ICA1: variants seen among roughly 807,000 people sequenced by gnomAD.
ICA1 encodes 69 kDa islet cell autoantigen.
ICA1 carries 40 observed loss-of-function variants against 71.0 expected under a neutral mutation model. The observed-to-expected ratio is 0.56, with a 90% confidence interval of 0.44 to 0.73. The LOEUF (loss-of-function observed/expected upper bound fraction) is 0.73. ICA1 is among the 30% of genes least tolerant of loss of function. The probability of loss-of-function intolerance (pLI) is 0.00; values close to 1 mark genes in which losing one functional copy is unlikely to be tolerated. For missense variants in ICA1, 578 were observed against 576.5 expected (o/e 1.00, Z -0.03); for synonymous variants, 207 against 209.5 (o/e 0.99, Z 0.10).
chr7:8,211,370 A>G (rs1162011582), intron 6 of ICA1, among the ~76,000 whole-genome samples: 1 of 152,134 alleles, frequency 6.6e-6, no homozygotes, highest in Non-Finnish European at 1.5e-5. Flanking sequence ...CACCTTCCTC[A>G]GCTCCAACCT....
At position 8,232,873 on chromosome 7, in the gene ICA1, T is replaced by TA. The variant is rs1800688832; in HGVS notation, c.18-119dup. ...TATGCATTTACATTTACAACATTGA[T>TA]AAACGTATGAGCACTTTCTTATCTG... On this transcript the variant is annotated intron_variant, in intron 2 of 13. Transcript: ENST00000402384. 6 of 853,280 alleles carry TA rather than the reference T, an allele frequency of 7.0e-6. No individual in the cohort carries two copies. The East Asian group carries it at 1.7e-4, about 25-fold the overall frequency. 52.9% of individuals were successfully genotyped at this position (853,280 alleles called of 1,614,324 possible). A position where few individuals can be genotyped will look rare whatever the true frequency, so the allele number is the denominator to read the frequency against.
chr7:8,183,428 G>C (rs1235633183), intron 6 of ICA1, among the ~76,000 whole-genome samples: 1 of 152,186 alleles, frequency 6.6e-6, no homozygotes, highest in Non-Finnish European at 1.5e-5. Flanking sequence ...ATACTGATGT[G>C]TATATGTTAG....
At chr7:8,194,587 A>G (rs2058521) in intron 6 of ICA1, among the ~76,000 whole-genome samples, 150,620 of 152,336 alleles carry the variant, frequency 0.99, 74,468 homozygotes, top group Middle Eastern at 1. Context: ...TCTTGACCAA[A>G]TTATTTTCTT....
chr7:8,128,828 C>G lies in ICA1; in HGVS notation c.1061-686G>C, dbSNP rs927948695. On this transcript the variant is annotated intron_variant, in intron 12 of 13. Transcript: ENST00000402384. ...CAGGCTAGAGACACAGTTCGAGGGG[C>G]GTTGAAGTGAGCACCGGATCAGAGG... 2.6e-5 allele frequency among the ~76,000 whole-genome samples: 4 copies of G among 152,298 alleles called. No homozygotes were observed. The Middle Eastern group carries it at 0.014, about 518-fold the overall frequency.
intron 1 of ICA1, among the ~76,000 whole-genome samples, chr7:8,250,590 A>G (rs1807831840): frequency 6.6e-6 from 1 of 152,226 alleles, no homozygotes; most frequent in African/African-American, 2.4e-5. Context: ...ACAAGGCTAC[A>G]GTGAGCTCTG....
intron 12 of ICA1, among the ~76,000 whole-genome samples, chr7:8,129,980 T>G (rs1170184809): frequency 6.6e-6 from 1 of 151,948 alleles, no homozygotes; most frequent in Non-Finnish European, 1.5e-5. Flanking sequence ...TGGCGATAGT[T>G]TGCTGAGAAT....
At chr7:8,156,894 G>A (rs763971142) in intron 8 of ICA1, 5 of 1,521,224 alleles carry the variant, frequency 3.3e-6, no homozygotes, top group Admixed American at 2.4e-5. Flanking sequence ...CTTTTGGATT[G>A]CAGTAGATTC....
intron 8 of ICA1, among the ~76,000 whole-genome samples, chr7:8,149,786 AT>A (rs766426794): frequency 2.0e-5 from 3 of 152,246 alleles, no homozygotes; most frequent in East Asian, 1.9e-4. Flanking sequence ...TATAAAAAAA[AT>A]AAAAGTGTTC....
At position 8,146,744 on chromosome 7, in the gene ICA1, T is replaced by TGC. The variant is rs1427301692; in HGVS notation, c.805-2773_805-2772insGC. 0.012 allele frequency among the ~76,000 whole-genome samples: 10 copies of TGC among 802 alleles called. No individual in the cohort carries two copies. The East Asian group carries it at 0.15, about 12-fold the overall frequency. The allele number at this position is 802 out of a possible 152,430, so 0.5% of individuals were successfully genotyped here. ...GTGTGTGCGTGTGTGTGCGTGTGCG[T>TGC]GTGTGTGTGTGTGTGTGTGTTTAGT... On this transcript the variant is annotated intron_variant, in intron 8 of 13. Transcript: ENST00000402384.
At position 8,218,439 on chromosome 7, in the gene ICA1, T is replaced by C; in HGVS notation, c.445A>G (p.Ile149Val). The change falls in exon 6 of 14, where the codon ATC (isoleucine) becomes GTC (valine). Residue 149 changes from isoleucine (I) to valine (V), a missense_variant. Coordinates refer to ENST00000402384, the MANE Select transcript of ICA1 (RefSeq NM_001136020.3). ...QEVETFRHRA[I>V]SDTWLTVNRM... is the part of the protein sequence containing the mutation. ...TTCACCGTCAGCCAAGTATCTGAGATGGCCCGATGCCGAAAAGTCTCCACT... is the reference window on the plus strand; with the variant it reads ...TTCACCGTCAGCCAAGTATCTGAGACGGCCCGATGCCGAAAAGTCTCCACT... 1.9e-6 allele frequency: 3 copies of C among 1,614,080 alleles called. No homozygotes were observed. Among genetic ancestry groups the C allele is most frequent in the South Asian group, 1.1e-5 (1 of 91,080 alleles).
At chr7:8,145,764 A>ATATATGTG (rs55971486) in intron 8 of ICA1, among the ~76,000 whole-genome samples, 2 of 136,322 alleles carry the variant, frequency 1.5e-5, no homozygotes, top group African/African-American at 5.2e-5. Flanking sequence ...ATATATATAT[A>ATATATGTG]TATGTATATA....
chr7:8,247,679 C>T (rs969456165), intron 1 of ICA1, among the ~76,000 whole-genome samples: 2 of 152,098 alleles, frequency 1.3e-5, no homozygotes, highest in African/African-American at 4.8e-5. Flanking sequence ...AGATTCTTCT[C>T]CTTGGAAATA....
Position 8,223,385 on chromosome 7 carries a change from A to T in ICA1, c.257-1987T>A, listed in dbSNP as rs1797691168. The T allele has an allele frequency of 6.5e-6, 1 of 154,386 alleles. No homozygotes were observed. Among genetic ancestry groups the T allele is most frequent in the Non-Finnish European group, 1.5e-5 (1 of 68,052 alleles). 9.6% of individuals were successfully genotyped at this position (154,386 alleles called of 1,614,324 possible). The stretch of plus-strand genomic sequence containing the variant: ...TAAATAAACCTAAGTAGGCTGAAAC[A>T]TTTAAAAATAATTTTCGGTCATTTT... On this transcript the variant is annotated intron_variant, in intron 4 of 13. Coordinates refer to ENST00000402384, the MANE Select transcript of ICA1 (RefSeq NM_001136020.3). This position sits in a 1 kb window ranked among gnomAD's most constrained non-coding sequence, Gnocchi z 4.1.
chr7:8,126,532 T>A (rs1156571891), intron 13 of ICA1, among the ~76,000 whole-genome samples: 2 of 151,938 alleles, frequency 1.3e-5, no homozygotes, highest in Non-Finnish European at 2.9e-5. Flanking sequence ...AGTCATGTAT[T>A]TCATTTAAAA....
rs1390268050 is a variant in ICA1, at chr7:8,141,847, A to G, written c.903-30T>C. ...AAATAAAAAAGAGGTTTAGTCATCA[A>G]CTTCTACCAATGTTATATTTATGAT... On this transcript the variant is annotated intron_variant, in intron 9 of 13. Transcript: ENST00000402384. 1.1e-5 allele frequency: 16 copies of G among 1,475,162 alleles called. No individual in the cohort carries two copies. In the East Asian group the frequency reaches 3.4e-4, roughly 32 times the overall value. The allele number at this position is 1,475,162 out of a possible 1,614,324, so 91.4% of individuals were successfully genotyped here.
chr7:8,175,733 C>G (rs1437869649), intron 6 of ICA1, among the ~76,000 whole-genome samples: 1 of 152,120 alleles, frequency 6.6e-6, no homozygotes, highest in African/African-American at 2.4e-5. Flanking sequence ...ATTATGGGTT[C>G]AAAAGCCACC....
At chr7:8,204,513 T>C (rs1433121635) in intron 6 of ICA1, among the ~76,000 whole-genome samples, 1 of 152,246 alleles carries the variant, frequency 6.6e-6, no homozygotes, top group Non-Finnish European at 1.5e-5. Context: ...TATTCTGCAT[T>C]ATGTACATAT....
chr7:8,243,327 C>G (rs1296509283), intron 1 of ICA1, among the ~76,000 whole-genome samples: 1 of 152,218 alleles, frequency 6.6e-6, no homozygotes, highest in Non-Finnish European at 1.5e-5. Context: ...ACATGATTAT[C>G]TCAATGGATG....
chr7:8,258,954 T>C (rs147642701), intron 1 of ICA1, among the ~76,000 whole-genome samples: 3 of 152,092 alleles, frequency 2.0e-5, no homozygotes, highest in Admixed American at 2.0e-4. Flanking sequence ...CATAAGATCA[T>C]AGTTGCCAAA....
Sources: gnomAD v4.1 joint callset for allele counts (sites outside exome capture counted in the v4.1 genomes callset) on GRCh38, gnomAD v4.1.1 for gene constraint, Gnocchi (gnomAD v3.1) non-coding constraint, MANE v1.5 for transcripts, NCBI Gene and HGNC (gene_info 2026-07-23, HGNC 2026-07-21) for gene names.